The following MAG variants were observed in gnomAD, a reference collection of about 807,000 sequenced individuals.
MAG encodes the protein myelin associated glycoprotein.
A neutral mutation model predicts 60.7 loss-of-function variants in MAG; 30 were observed. That is an observed-to-expected ratio of 0.49 (90% CI 0.37 to 0.67). The LOEUF is 0.67. Ranked by LOEUF, MAG falls within the 30% of genes least tolerant of loss-of-function variation. The pLI, the probability that MAG is intolerant of heterozygous loss-of-function variation, is 0.00. For missense variants in MAG, 795 were observed against 851.7 expected (o/e 0.93, Z 0.83); for synonymous variants, 384 against 376.8 (o/e 1.02, Z -0.22).
intron 7 of MAG, among the ~76,000 whole-genome samples, chr19:35,304,396 C>T (rs1241666969): frequency 1.3e-5 from 2 of 152,166 alleles, no homozygotes. Flanking sequence ...GCCTGCAGCA[C>T]CAACTCACAT....
intron 7 of MAG, 188 bp from the exon 8 acceptor site, chr19:35,309,686 C>T (rs532720240): frequency 7.9e-6 from 5 of 635,088 alleles, no homozygotes; most frequent in East Asian, 2.7e-5. Context: ...AGGCAGCCGG[C>T]GGGGTCGTAG....
At chr19:35,304,525 T>C (rs1352568662) in intron 7 of MAG, among the ~76,000 whole-genome samples, 1 of 151,928 alleles carries the variant, frequency 6.6e-6, no homozygotes, top group Admixed American at 6.6e-5. Context: ...TCTGGTTCAG[T>C]TCTTATTTTT....
chr19:35,309,904 G>T lies in MAG; in HGVS notation c.1262G>T (p.Cys421Phe). 1.9e-6 allele frequency: 3 copies of T among 1,613,026 alleles called. No individual in the cohort carries two copies. Among genetic ancestry groups the T allele is most frequent in the Non-Finnish European group, 2.5e-6 (3 of 1,179,850 alleles). ...FAPVLLLESH[C>F]AAARDTVQCL... ...CCTGTGCTCCTCCTGGAGTCCCACT[G>T]CGCGGCAGCCCGAGACACGGTGCAG... Residue 421 changes from cysteine to phenylalanine, a missense_variant, in exon 8 of 11, where the codon TGC (cysteine) becomes TTC (phenylalanine). Coordinates refer to ENST00000392213, the MANE Select transcript of MAG (RefSeq NM_002361.4).
chr19:35,300,151 C>T lies in MAG; in HGVS notation c.717C>T (p.Pro239=). Residue 239 remains proline (P), a synonymous_variant, in exon 6 of 11, where the codon CCC becomes CCT. Transcript: ENST00000392213. ...TCGCTGTGTCGCGGGCCTTAGACCC[C>T]CCGGTGATTGTGGAGATGAACTCCT... ...EGYASMDVKY[P]PVIVEMNSSV... is the part of the protein sequence containing the mutation. 1 of 1,533,210 alleles carries T rather than the reference C, an allele frequency of 6.5e-7. No homozygotes were observed. The highest frequency in any genetic ancestry group is 8.8e-7 in the Non-Finnish European group (1 of 1,136,338). The allele number at this position is 1,533,210 out of a possible 1,614,324, so 95.0% of individuals were successfully genotyped here.
chr19:35,300,538 G>C, intron 6 of MAG, 134 bp downstream of exon 6: 5 of 1,158,008 alleles, frequency 4.3e-6, no homozygotes, highest in Non-Finnish European at 5.8e-6. Flanking sequence ...AGGTAGACAG[G>C]GGGGTTGCAA....
intron 4 of MAG, 130 bp downstream of exon 4, chr19:35,296,111 G>C: frequency 3.0e-6 from 4 of 1,322,056 alleles, no homozygotes; most frequent in Non-Finnish European, 4.1e-6. Context: ...TGATTTGGCT[G>C]GGGGTGCAAA....
In MAG at chr19:35,299,619, G is replaced by T. The variant is rs770946769; in HGVS notation, c.481G>T (p.Val161Leu). 3.7e-6 allele frequency: 6 copies of T among 1,610,814 alleles called. No individual in the cohort carries two copies. Among genetic ancestry groups the T allele is most frequent in the Non-Finnish European group, 5.1e-6 (6 of 1,178,298 alleles). Residue 161 changes from valine (V) to leucine (L), a missense_variant, in exon 5 of 11, where the codon GTG becomes TTG. By Grantham distance (32) the Val-to-Leu change is conservative. Transcript: ENST00000392213. ...AGTEVEVSCMVPDNCPELRPE... is the reference protein window; with the variant it reads ...AGTEVEVSCMLPDNCPELRPE... Reference sequence around the variant, plus strand: ...CACGGAGGTGGAGGTCAGCTGCATGGTGCCGGACAACTGCCCAGAGCTGCG... The same window carrying T: ...CACGGAGGTGGAGGTCAGCTGCATGTTGCCGGACAACTGCCCAGAGCTGCG...
chr19:35,297,141 C>T (rs2066404014), intron 4 of MAG, among the ~76,000 whole-genome samples: 1 of 149,370 alleles, frequency 6.7e-6, no homozygotes, highest in South Asian at 2.2e-4. Flanking sequence ...ACACACACAC[C>T]ACACCAAACA....
intron 5 of MAG, 132 bp from the exon 6 acceptor site, chr19:35,300,015 C>A: frequency 8.3e-7 from 1 of 1,203,622 alleles, no homozygotes; most frequent in Non-Finnish European, 1.1e-6. Flanking sequence ...GGGGCGGAAC[C>A]AGGCAGTCCT....
At chr19:35,296,779 C>T (rs759840504) in intron 4 of MAG, among the ~76,000 whole-genome samples, 1 of 151,862 alleles carries the variant, frequency 6.6e-6, no homozygotes, top group Non-Finnish European at 1.5e-5. Flanking sequence ...AAATCACACA[C>T]TACACACTGC....
chr19:35,304,312 C>A (rs982542152), intron 7 of MAG, among the ~76,000 whole-genome samples: 8 of 152,144 alleles, frequency 5.3e-5, no homozygotes, highest in Admixed American at 4.6e-4. Flanking sequence ...GTCCCCTGAT[C>A]CCTGTTACAC....
intron 6 of MAG, 94 bp downstream of exon 6, chr19:35,300,498 G>T (rs758091256): frequency 6.9e-7 from 1 of 1,441,034 alleles, no homozygotes; most frequent in Non-Finnish European, 9.1e-7. Context: ...GCTGGGTCCC[G>T]AGGGGACCGG....
chr19:35,302,872 T>C (rs999939688), intron 7 of MAG, among the ~76,000 whole-genome samples, 164 bp downstream of exon 7: 2 of 149,594 alleles, frequency 1.3e-5, no homozygotes, highest in African/African-American at 4.9e-5. Context: ...GAAAATAAAA[T>C]CCCATCTGAG....
chr19:35,309,871 CA>C lies in MAG; in HGVS notation c.1232-2del. ...ACCCTCAGACCTGATTTTGCCCCTG[CA>C]GTCGCCCCTGTGCTCCTCCTGGAGT... On this transcript the variant is annotated splice_acceptor_variant, in intron 7 of 10. Coordinates refer to ENST00000392213, the MANE Select transcript of MAG (RefSeq NM_002361.4). LOFTEE classifies it high-confidence loss of function. The C allele has an allele frequency of 1.2e-6, 2 of 1,604,840 alleles. No individual in the cohort carries two copies. Among genetic ancestry groups the C allele is most frequent in the Non-Finnish European group, 1.7e-6 (2 of 1,176,244 alleles).
chr19:35,296,982 A>G (rs1288763936), intron 4 of MAG, among the ~76,000 whole-genome samples: 1 of 134,522 alleles, frequency 7.4e-6, no homozygotes, highest in African/African-American at 2.8e-5. Context: ...ACACACACAC[A>G]CTGCTTGGCG....
chr19:35,292,927 T>A (rs2066367890), intron 1 of MAG, among the ~76,000 whole-genome samples: 1 of 152,110 alleles, frequency 6.6e-6, no homozygotes, highest in African/African-American at 2.4e-5. Flanking sequence ...TTAGATGCAT[T>A]TGTCCTCATC....
At chr19:35,292,764 G>A (rs774775558) in intron 1 of MAG, among the ~76,000 whole-genome samples, 9 of 151,168 alleles carry the variant, frequency 6.0e-5, no homozygotes, top group Admixed American at 1.3e-4. Flanking sequence ...TTTATTTTTC[G>A]TTACTTTTTT....
At position 35,293,059 on chromosome 19, in the gene MAG, G is replaced by A. The variant is rs1050097820; in HGVS notation, c.-80+855G>A. Among the ~76,000 whole-genome samples, 39 of 152,180 alleles carry A rather than the reference G, an allele frequency of 2.6e-4. No homozygotes were observed. Among genetic ancestry groups the A allele is most frequent in the African/African-American group, 9.2e-4 (38 of 41,494 alleles). On this transcript the variant is annotated intron_variant, in intron 1 of 10. Transcript: ENST00000392213. The surrounding 1 kb of genome is among the most constrained non-coding windows in gnomAD (Gnocchi z 4.0). ...CCCATCCCGAGAACTTGTTTTCCCC[G>A]CTGTTAAGAGTGCATGGTCTACCTG...
Position 35,310,636 on chromosome 19 carries a change from C to G in MAG, c.1609C>G (p.Arg537Gly). 2 of 1,614,000 alleles carry G rather than the reference C, an allele frequency of 1.2e-6. No homozygotes were observed. Among genetic ancestry groups the G allele is most frequent in the Non-Finnish European group, 1.7e-6 (2 of 1,180,008 alleles). Residue 537 changes from arginine to glycine, a missense_variant, in exon 9 of 11, where the codon CGC becomes GGC. Coordinates refer to ENST00000392213, the MANE Select transcript of MAG (RefSeq NM_002361.4). ...CATCGTCTGCTACATTACCCAGACA[C>G]GCAGGAAGTGAGTGCCAGCTGGGGC... ...IAIVCYITQT[R>G]RKKNVTESPS...
Sources: allele counts gnomAD v4.1 joint callset (sites outside exome capture counted in the v4.1 genomes callset), GRCh38; gene constraint gnomAD v4.1.1; non-coding constraint Gnocchi (gnomAD v3.1); transcripts MANE v1.5; gene names NCBI Gene and HGNC (gene_info 2026-07-23, HGNC 2026-07-21).